Variants in SCHIP1 observed in about 807,000 individuals in gnomAD.
SCHIP1 encodes schwannomin interacting protein 1.
A neutral mutation model predicts 29.7 loss-of-function variants in SCHIP1; 8 were observed. The observed-to-expected ratio is 0.27, with a 90% CI of 0.16 to 0.49. The LOEUF is 0.49. Ranked by LOEUF, SCHIP1 falls within the 20% of genes least tolerant of loss-of-function variation. The probability of loss-of-function intolerance (pLI) is 0.99; values close to 1 mark genes in which losing one functional copy is unlikely to be tolerated. For missense variants in SCHIP1, 193 were observed against 294.6 expected, an observed-to-expected ratio of 0.66 and a Z score of 2.52; for synonymous variants, 76 against 94.9, an observed-to-expected ratio of 0.80 and a Z score of 1.16.
At chr3:159,732,397 A>G in the SCHIP1 span, among the ~76,000 whole-genome samples, 169 of 152,128 alleles carry the variant, frequency 1.1e-3, 2 homozygotes, top group African/African-American at 4.0e-3. Flanking sequence ...CCTGTGTCTG[A>G]TCCTTGCTGC....
the SCHIP1 span, among the ~76,000 whole-genome samples, chr3:159,360,557 G>T: frequency 2.0e-5 from 3 of 152,108 alleles, no homozygotes; most frequent in African/African-American, 7.2e-5. Flanking sequence ...GCTGGTTTAG[G>T]TTTCGAGCTA....
chr3:159,631,469 T>C, the SCHIP1 span, among the ~76,000 whole-genome samples: 1 of 152,108 alleles, frequency 6.6e-6, no homozygotes, highest in Non-Finnish European at 1.5e-5. Flanking sequence ...AGTAAATACA[T>C]ACAATAAAAT....
the SCHIP1 span, among the ~76,000 whole-genome samples, chr3:159,295,235 G>T: frequency 7.5e-6 from 1 of 133,642 alleles, no homozygotes; most frequent in Admixed American, 8.1e-5. Context: ...GGCCAATATG[G>T]TGAAATTCTA....
the SCHIP1 span, among the ~76,000 whole-genome samples, chr3:159,706,333 C>T: frequency 6.6e-6 from 1 of 152,064 alleles, no homozygotes; most frequent in African/African-American, 2.4e-5. Context: ...TTTTGGCTTC[C>T]AGTGTGTCAA....
At chr3:159,644,588 A>T in the SCHIP1 span, among the ~76,000 whole-genome samples, 1 of 152,112 alleles carries the variant, frequency 6.6e-6, no homozygotes, top group East Asian at 1.9e-4. Flanking sequence ...ATTAGCTAAA[A>T]TGCTCATCTC....
the SCHIP1 span, among the ~76,000 whole-genome samples, chr3:159,287,984 ACTTG>A: frequency 3.9e-5 from 6 of 152,356 alleles, no homozygotes; most frequent in South Asian, 1.2e-3. Flanking sequence ...AACATAATAT[ACTTG>A]CTTGATAAAA....
the SCHIP1 span, among the ~76,000 whole-genome samples, chr3:159,343,096 T>C: frequency 6.6e-6 from 1 of 152,190 alleles, no homozygotes; most frequent in Non-Finnish European, 1.5e-5. Flanking sequence ...ACCCTCATAA[T>C]ACGCTATGAA....
the SCHIP1 span, among the ~76,000 whole-genome samples, chr3:159,831,794 T>G: frequency 6.6e-6 from 1 of 152,126 alleles, no homozygotes; most frequent in Non-Finnish European, 1.5e-5. Context: ...AATTTAAAAC[T>G]TATGAATTGT....
the SCHIP1 span, among the ~76,000 whole-genome samples, chr3:159,521,530 A>G: frequency 6.6e-6 from 1 of 152,186 alleles, no homozygotes; most frequent in Non-Finnish European, 1.5e-5. Context: ...ACAGGGAGTT[A>G]CCTCCAGGTG....
chr3:159,816,615 C>CT, the SCHIP1 span, among the ~76,000 whole-genome samples: 1 of 152,196 alleles, frequency 6.6e-6, no homozygotes, highest in African/African-American at 2.4e-5. Flanking sequence ...CCTAATCTAC[C>CT]TACCTGACTG....
chr3:159,350,415 T>A, the SCHIP1 span, among the ~76,000 whole-genome samples: 2 of 152,176 alleles, frequency 1.3e-5, no homozygotes, highest in African/African-American at 4.8e-5. Flanking sequence ...AGGGTTTGTG[T>A]TGTAAATATG....
the SCHIP1 span, among the ~76,000 whole-genome samples, chr3:159,567,593 T>C: frequency 2.0e-5 from 3 of 152,328 alleles, no homozygotes; most frequent in Admixed American, 6.5e-5. Flanking sequence ...TCCACATATG[T>C]GTTTCCTGGA....
chr3:159,370,123 C>G, the SCHIP1 span, among the ~76,000 whole-genome samples: 1 of 152,132 alleles, frequency 6.6e-6, no homozygotes, highest in Non-Finnish European at 1.5e-5. Flanking sequence ...TTGAATATGT[C>G]ACTACTCTGC....
At chr3:159,711,920 C>T in the SCHIP1 span, among the ~76,000 whole-genome samples, 3 of 151,562 alleles carry the variant, frequency 2.0e-5, no homozygotes, top group South Asian at 2.1e-4. Flanking sequence ...GCTCTGGGAA[C>T]GACCTAGGGA....
At chr3:159,700,807 C>A in the SCHIP1 span, among the ~76,000 whole-genome samples, 1 of 148,148 alleles carries the variant, frequency 6.8e-6, no homozygotes, top group East Asian at 2.0e-4. Flanking sequence ...GAGTGAGAAT[C>A]CAACTCAAAA....
the SCHIP1 span, among the ~76,000 whole-genome samples, chr3:159,782,098 C>T: frequency 2.0e-5 from 3 of 152,202 alleles, no homozygotes; most frequent in South Asian, 6.2e-4. Context: ...GAAATCACAT[C>T]CAGCAATAGC....
chr3:159,521,876 A>G, the SCHIP1 span, among the ~76,000 whole-genome samples: 51 of 152,262 alleles, frequency 3.3e-4, no homozygotes, highest in African/African-American at 1.2e-3. Flanking sequence ...GTCTATTATT[A>G]GAAATATGTG....
At chr3:159,573,879 C>G in the SCHIP1 span, among the ~76,000 whole-genome samples, 1 of 152,048 alleles carries the variant, frequency 6.6e-6, no homozygotes, top group South Asian at 2.1e-4. Flanking sequence ...TCATGGATAC[C>G]CTTTCTTCCA....
the SCHIP1 span, among the ~76,000 whole-genome samples, chr3:159,506,167 T>C: frequency 3.3e-5 from 5 of 152,240 alleles, no homozygotes; most frequent in African/African-American, 1.2e-4. Context: ...CCATTCTAAC[T>C]GGTGTGAGAT....
Sources: gnomAD v4.1 joint callset for allele counts (sites outside exome capture counted in the v4.1 genomes callset) on GRCh38, gnomAD v4.1.1 for gene constraint, MANE v1.5 for transcripts, NCBI Gene and HGNC (gene_info 2026-07-23, HGNC 2026-07-21) for gene names.